The following ZNF892 variants were observed in gnomAD, a reference collection of about 807,000 sequenced individuals.
ZNF892 encodes the protein zinc finger protein 892.
the ZNF892 span, among the ~76,000 whole-genome samples, chr2:95,239,205 T>C: frequency 2.0e-3 from 300 of 150,952 alleles, no homozygotes; most frequent in African/African-American, 7.1e-3. Context: ...GTTGCCAATC[T>C]CATGGTAAAG....
chr2:95,206,566 T>C, the ZNF892 span, among the ~76,000 whole-genome samples: 3 of 152,066 alleles, frequency 2.0e-5, no homozygotes, highest in South Asian at 6.2e-4. Flanking sequence ...AGACAAACGG[T>C]TACAAGAAGA....
the ZNF892 span, among the ~76,000 whole-genome samples, chr2:95,237,557 A>G: frequency 6.6e-6 from 1 of 152,140 alleles, no homozygotes; most frequent in African/African-American, 2.4e-5. Context: ...TAGGCCAATC[A>G]ATAACCCTAC....
At chr2:95,250,268 A>G in the ZNF892 span, among the ~76,000 whole-genome samples, 1 of 152,050 alleles carries the variant, frequency 6.6e-6, no homozygotes, top group Non-Finnish European at 1.5e-5. Flanking sequence ...TAAAGATAAT[A>G]TAAGTTTACT....
At chr2:95,256,279 T>C in the ZNF892 span, among the ~76,000 whole-genome samples, 1 of 152,204 alleles carries the variant, frequency 6.6e-6, no homozygotes, top group Non-Finnish European at 1.5e-5. Flanking sequence ...GATGACAAAA[T>C]CTCTCAGCAT....
At chr2:95,223,681 A>G in the ZNF892 span, among the ~76,000 whole-genome samples, 1 of 152,210 alleles carries the variant, frequency 6.6e-6, no homozygotes, top group Non-Finnish European at 1.5e-5. Flanking sequence ...AAATACAAGC[A>G]TGAGCCACTC....
the ZNF892 span, among the ~76,000 whole-genome samples, chr2:95,237,697 GCACCAAA>G: frequency 2.0e-5 from 3 of 152,238 alleles, no homozygotes; most frequent in Non-Finnish European, 2.9e-5. Context: ...TAGGCCTGTT[GCACCAAA>G]CAGTTAGCGA....
the ZNF892 span, among the ~76,000 whole-genome samples, chr2:95,222,873 A>G: frequency 6.6e-6 from 1 of 152,190 alleles, no homozygotes; most frequent in Non-Finnish European, 1.5e-5. Flanking sequence ...CTAGTAGCTT[A>G]ATGATAATGT....
At chr2:95,240,689 TTAAGA>T in the ZNF892 span, among the ~76,000 whole-genome samples, 4 of 152,168 alleles carry the variant, frequency 2.6e-5, no homozygotes, top group African/African-American at 9.7e-5. Context: ...ATGGCATCTC[TTAAGA>T]TAAGACCCAC....
chr2:95,258,924 TG>T, the ZNF892 span, among the ~76,000 whole-genome samples: 3 of 152,054 alleles, frequency 2.0e-5, no homozygotes, highest in Admixed American at 2.0e-4. Flanking sequence ...TTACATAACA[TG>T]GGAATTCTCA....
At chr2:95,225,185 A>T in the ZNF892 span, among the ~76,000 whole-genome samples, 1 of 152,196 alleles carries the variant, frequency 6.6e-6, no homozygotes, top group Non-Finnish European at 1.5e-5. Flanking sequence ...TTTTAAAAAC[A>T]TTCTTTCCTT....
chr2:95,209,909 C>G, the ZNF892 span, among the ~76,000 whole-genome samples: 2 of 152,236 alleles, frequency 1.3e-5, no homozygotes, highest in Middle Eastern at 3.4e-3. Context: ...TGTGGGATTT[C>G]TTACTTGAAG....
chr2:95,214,656 A>G, the ZNF892 span: 1 of 401,942 alleles, frequency 2.5e-6, no homozygotes, highest in Non-Finnish European at 4.4e-6. Context: ...AAATTCAGAT[A>G]TAATTAGGCA....
At chr2:95,218,823 T>C in the ZNF892 span, among the ~76,000 whole-genome samples, 5 of 152,194 alleles carry the variant, frequency 3.3e-5, no homozygotes, top group Non-Finnish European at 7.3e-5. Flanking sequence ...TCTCAGTGCA[T>C]AGGTGTGGAG....
the ZNF892 span, among the ~76,000 whole-genome samples, chr2:95,221,006 G>A: frequency 8.5e-5 from 13 of 152,282 alleles, no homozygotes; most frequent in South Asian, 2.7e-3. Flanking sequence ...TATGACATAT[G>A]ATATCATAGA....
At chr2:95,222,054 C>T in the ZNF892 span, among the ~76,000 whole-genome samples, 1 of 152,154 alleles carries the variant, frequency 6.6e-6, no homozygotes, top group Admixed American at 6.5e-5. Context: ...GTGTCACCAT[C>T]ACCACAAAGG....
chr2:95,241,126 C>T, the ZNF892 span, among the ~76,000 whole-genome samples: 3 of 152,324 alleles, frequency 2.0e-5, no homozygotes, highest in African/African-American at 7.2e-5. Flanking sequence ...CACCCCACTG[C>T]CCCCAAAGCA....
the ZNF892 span, among the ~76,000 whole-genome samples, chr2:95,211,201 A>G: frequency 6.6e-6 from 1 of 152,214 alleles, no homozygotes; most frequent in South Asian, 2.1e-4. Flanking sequence ...AAAACTAGAG[A>G]AAAAATACTT....
At chr2:95,253,695 A>G in the ZNF892 span, among the ~76,000 whole-genome samples, 1 of 152,124 alleles carries the variant, frequency 6.6e-6, no homozygotes, top group Non-Finnish European at 1.5e-5. Context: ...TTTTCACAAT[A>G]TTGATTCTTC....
At chr2:95,235,361 C>CTTTT in the ZNF892 span, among the ~76,000 whole-genome samples, 1 of 132,106 alleles carries the variant, frequency 7.6e-6, no homozygotes, top group African/African-American at 2.9e-5. Context: ...TTCCAGTAAA[C>CTTTT]TTTTTTTTTT....
Sources: allele counts gnomAD v4.1 joint callset (sites outside exome capture counted in the v4.1 genomes callset), GRCh38; gene constraint gnomAD v4.1.1; transcripts MANE v1.5; gene names NCBI Gene and HGNC (gene_info 2026-07-23, HGNC 2026-07-21).